Variants in ELAVL4 observed in about 807,000 individuals in gnomAD.
ELAVL4 encodes ELAV-like protein 4.
Under a neutral mutation model 35.6 loss-of-function variants are expected in ELAVL4, and 1 was observed. That is an observed-to-expected ratio of 0.03 (90% CI 0.01 to 0.13). The LOEUF (loss-of-function observed/expected upper bound fraction) is 0.13, where lower values mean the gene tolerates loss of function less well. Ranked by LOEUF, ELAVL4 falls within the 10% of genes least tolerant of loss-of-function variation. The probability of loss-of-function intolerance (pLI) is 1.00; values close to 1 mark genes in which losing one functional copy is unlikely to be tolerated. For synonymous variants in ELAVL4, 156 were observed against 171.0 expected (o/e 0.91, Z 0.69); for missense variants, 267 against 464.9 (o/e 0.57, Z 3.91).
At chr1:50,131,517 C>T (rs746075381) in intron 1 of ELAVL4, among the ~76,000 whole-genome samples, 5 of 151,890 alleles carry the variant, frequency 3.3e-5, no homozygotes, top group Non-Finnish European at 5.9e-5. Flanking sequence ...GGGCCGAGTG[C>T]GGTGACTCAC....
intron 1 of ELAVL4, among the ~76,000 whole-genome samples, chr1:50,139,787 C>T (rs1235291973): frequency 6.6e-6 from 1 of 152,084 alleles, no homozygotes; most frequent in African/African-American, 2.4e-5. Context: ...CAGATATAAA[C>T]GACCCTGGTG....
At chr1:50,183,975 G>C (rs1238438999) in intron 3 of ELAVL4, among the ~76,000 whole-genome samples, 3 of 152,248 alleles carry the variant, frequency 2.0e-5, no homozygotes, top group African/African-American at 7.2e-5. Flanking sequence ...TCTCTGCCAA[G>C]GTCAGCAGGG....
chr1:50,142,879 A>C (rs1042447575), intron 1 of ELAVL4, among the ~76,000 whole-genome samples: 7 of 152,270 alleles, frequency 4.6e-5, no homozygotes, highest in Non-Finnish European at 2.9e-5. Context: ...GTTCATCAAC[A>C]GATAAATAAA....
chr1:50,138,216 T>G (rs898676863), intron 1 of ELAVL4, among the ~76,000 whole-genome samples: 3 of 151,956 alleles, frequency 2.0e-5, no homozygotes, highest in African/African-American at 7.3e-5. Flanking sequence ...TATCAAGAAG[T>G]GAAAGAGTGC....
intron 2 of ELAVL4, among the ~76,000 whole-genome samples, chr1:50,153,369 T>A (rs1212634418): frequency 6.6e-6 from 1 of 152,206 alleles, no homozygotes; most frequent in African/African-American, 2.4e-5. Flanking sequence ...TTTATATCAG[T>A]GTTGCCTGAT....
intron 3 of ELAVL4, among the ~76,000 whole-genome samples, chr1:50,187,954 G>A (rs545532261): frequency 2.0e-5 from 3 of 152,178 alleles, no homozygotes; most frequent in Non-Finnish European, 2.9e-5. Flanking sequence ...AATTAGCTGG[G>A]CATGGTGGCG....
intron 1 of ELAVL4, among the ~76,000 whole-genome samples, chr1:50,124,616 A>G (rs1669576844): frequency 6.6e-6 from 1 of 152,034 alleles, no homozygotes; most frequent in East Asian, 1.9e-4. Context: ...CATTTAGCCT[A>G]GTGGTTATTA....
At chr1:50,091,913 A>G (rs1344517204) in intron 1 of ELAVL4, among the ~76,000 whole-genome samples, 2 of 152,188 alleles carry the variant, frequency 1.3e-5, no homozygotes, top group Non-Finnish European at 2.9e-5. Flanking sequence ...ACATGTATGC[A>G]AGATGAGTAC....
At chr1:50,178,257 C>T (rs961301204) in intron 3 of ELAVL4, among the ~76,000 whole-genome samples, 2 of 152,188 alleles carry the variant, frequency 1.3e-5, no homozygotes, top group African/African-American at 4.8e-5. Context: ...AAAAGAGAAA[C>T]CTCTCCCAGA....
chr1:50,049,480 C>T (rs1469785722), intron 1 of ELAVL4, among the ~76,000 whole-genome samples: 2 of 152,162 alleles, frequency 1.3e-5, no homozygotes, highest in Admixed American at 6.5e-5. Context: ...ATAAAATTAA[C>T]GTAACAAGGA....
intron 2 of ELAVL4, among the ~76,000 whole-genome samples, chr1:50,155,772 G>A (rs1675621740): frequency 6.6e-6 from 1 of 152,064 alleles, no homozygotes; most frequent in African/African-American, 2.4e-5. Context: ...AGTTCTGTCT[G>A]GTTTCTCATT....
intron 6 of ELAVL4, 54 bp downstream of exon 6, chr1:50,197,521 A>G: frequency 6.8e-7 from 1 of 1,466,340 alleles, no homozygotes; most frequent in Admixed American, 2.6e-5. Context: ...GACTGGGGCT[A>G]GAATTTTTTT....
chr1:50,055,434 G>A (rs1663608126), intron 1 of ELAVL4, among the ~76,000 whole-genome samples: 1 of 151,966 alleles, frequency 6.6e-6, no homozygotes, highest in South Asian at 2.1e-4. Flanking sequence ...CGAGTAGCTG[G>A]GACTACAGGC....
chr1:50,102,857 A>C (rs575819431), upstream of ELAVL4, among the ~76,000 whole-genome samples: 1 of 152,322 alleles, frequency 6.6e-6, no homozygotes, highest in East Asian at 1.9e-4. Flanking sequence ...GATGAAGAAT[A>C]TATCAGGGAA....
upstream of ELAVL4, among the ~76,000 whole-genome samples, chr1:50,103,472 A>G (rs573899584): frequency 2.0e-5 from 3 of 152,320 alleles, no homozygotes; most frequent in East Asian, 5.8e-4. Flanking sequence ...CAATTCAACA[A>G]AGGAAAATTA....
At chr1:50,093,138 A>G (rs1383832345) in intron 1 of ELAVL4, among the ~76,000 whole-genome samples, 1 of 152,224 alleles carries the variant, frequency 6.6e-6, no homozygotes, top group African/African-American at 2.4e-5. Context: ...AGTGGGGACA[A>G]GTGTTCCAGA....
chr1:50,048,503 C>A (rs895993272), intron 1 of ELAVL4, among the ~76,000 whole-genome samples: 6 of 152,132 alleles, frequency 3.9e-5, no homozygotes, highest in Non-Finnish European at 8.8e-5. Context: ...CCCTCCCCAG[C>A]GACAGGCGAC....
At chr1:50,052,347 G>C (rs572233055) in intron 1 of ELAVL4, among the ~76,000 whole-genome samples, 1 of 152,086 alleles carries the variant, frequency 6.6e-6, no homozygotes, top group East Asian at 1.9e-4. Context: ...CACACTTTTT[G>C]TGTGTAAAGC....
At chr1:50,065,942 A>C (rs1442446715) in intron 1 of ELAVL4, among the ~76,000 whole-genome samples, 2 of 152,172 alleles carry the variant, frequency 1.3e-5, no homozygotes, top group Non-Finnish European at 2.9e-5. Flanking sequence ...ACAGCTGGGC[A>C]GGGTACCAAG....
Sources: gnomAD v4.1 joint callset for allele counts (sites outside exome capture counted in the v4.1 genomes callset) on GRCh38, gnomAD v4.1.1 for gene constraint, MANE v1.5 for transcripts, NCBI Gene and HGNC (gene_info 2026-07-23, HGNC 2026-07-21) for gene names.